The following SUCLG1 variants were observed in gnomAD, a reference collection of about 807,000 sequenced individuals.
The protein encoded by SUCLG1 is succinate-CoA ligase GDP/ADP-forming subunit alpha.
A neutral mutation model predicts 37.3 loss-of-function variants in SUCLG1; 26 were observed. That is an observed-to-expected ratio of 0.70 (90% CI 0.51 to 0.97). SUCLG1 has a LOEUF of 0.97. Ranked by LOEUF, SUCLG1 falls within the 50% of genes least tolerant of loss-of-function variation. The pLI, the probability that SUCLG1 is intolerant of heterozygous loss-of-function variation, is 0.00. For synonymous variants in SUCLG1, 163 were observed against 155.6 expected, an observed-to-expected ratio of 1.05 and a Z score of -0.36; for missense variants, 433 against 432.9, an observed-to-expected ratio of 1.00 and a Z score of 0.00.
rs369853369 is a variant in SUCLG1 at position 84,424,944 on chromosome 2, C to G, written c.1014+471G>C. 2.0e-5 allele frequency among the ~76,000 whole-genome samples: 3 copies of G among 152,300 alleles called. No individual in the cohort carries two copies. In the South Asian group the frequency reaches 6.2e-4, roughly 32 times the overall value. The stretch of plus-strand genomic sequence containing the variant: ...GCCAATCTCCCCATCCTCTTTAGAT[C>G]TCCCTCCACCCAAACTCCTTCTTCA... On this transcript the variant is annotated intron_variant, in intron 8 of 8. Coordinates refer to ENST00000393868, the MANE Select transcript of SUCLG1 (RefSeq NM_003849.4).
At chr2:84,440,162 G>A (rs1431639589) in intron 5 of SUCLG1, among the ~76,000 whole-genome samples, 2 of 152,138 alleles carry the variant, frequency 1.3e-5, no homozygotes, top group Non-Finnish European at 2.9e-5. Flanking sequence ...ATCACCTGAG[G>A]TCGGGAGTTC....
rs542892914 is a variant in SUCLG1 at position 84,440,957 on chromosome 2, T to G, written c.589+90A>C. On this transcript the variant is annotated intron_variant, in intron 5 of 8. Transcript: ENST00000393868. ...TCTACTCAAGTCAAATTAATTAAAC[T>G]TGATTTGCAAAGTCAAAAATTCTTT... is the stretch of plus-strand genomic sequence containing the variant. 103 of 1,354,498 alleles carry G rather than the reference T, an allele frequency of 7.6e-5. 1 individual carries two copies. The South Asian group carries it at 1.2e-3, about 16-fold the overall frequency. The allele number at this position is 1,354,498 out of a possible 1,614,324, so 83.9% of individuals were successfully genotyped here.
At chr2:84,436,850 C>A (rs1024081639) in intron 5 of SUCLG1, among the ~76,000 whole-genome samples, 15 of 152,190 alleles carry the variant, frequency 9.9e-5, no homozygotes, top group African/African-American at 3.6e-4. Context: ...GTCTTCACAA[C>A]CCCTATATTC....
In SUCLG1 at chr2:84,441,384, CTTCA is replaced by C; in HGVS notation, c.390_393del (p.Asn130LysfsTer37). On this transcript the variant is annotated frameshift_variant, in exon 4 of 9. Coordinates refer to ENST00000393868, the MANE Select transcript of SUCLG1 (RefSeq NM_003849.4). LOFTEE classifies it high-confidence loss of function. The stretch of plus-strand genomic sequence containing the variant: ...ACCAAGGGAATTTCTGCCTCAATAG[CTTCA>C]TTAATGGCAGCAGCAGCAAAAGGCG... 2 of 1,614,160 alleles carry C rather than the reference CTTCA, an allele frequency of 1.2e-6. No homozygotes were observed. The highest frequency in any genetic ancestry group is 1.7e-6 in the Non-Finnish European group (2 of 1,180,018).
At chr2:84,443,850 C>G (rs1000517191) in intron 2 of SUCLG1, among the ~76,000 whole-genome samples, 1 of 152,074 alleles carries the variant, frequency 6.6e-6, no homozygotes, top group African/African-American at 2.4e-5. Context: ...AACAAAAAAA[C>G]ATGTCAACTG....
At chr2:84,458,928 G>A (rs1673090013) in intron 1 of SUCLG1, among the ~76,000 whole-genome samples, 1 of 152,158 alleles carries the variant, frequency 6.6e-6, no homozygotes, top group Non-Finnish European at 1.5e-5. Flanking sequence ...TCCCGGACCC[G>A]AATCCTGGCT....
At chr2:84,424,705 T>C (rs1040865010) in intron 8 of SUCLG1, among the ~76,000 whole-genome samples, 1 of 152,060 alleles carries the variant, frequency 6.6e-6, no homozygotes, top group Non-Finnish European at 1.5e-5. Flanking sequence ...GGCAGGGGTA[T>C]ACCATCATAA....
chr2:84,453,917 G>A (rs1380275677), intron 1 of SUCLG1, among the ~76,000 whole-genome samples: 2 of 152,204 alleles, frequency 1.3e-5, no homozygotes, highest in African/African-American at 4.8e-5. Flanking sequence ...GACAGGCCTG[G>A]TCTTGAGTTT....
chr2:84,440,821 C>T (rs1672756922), intron 5 of SUCLG1, among the ~76,000 whole-genome samples: 1 of 152,162 alleles, frequency 6.6e-6, no homozygotes, highest in Non-Finnish European at 1.5e-5. Context: ...TCTTTAAACT[C>T]CCACCACCAA....
Position 84,425,495 on chromosome 2 carries a change from T to C in SUCLG1, c.934A>G (p.Lys312Glu). The C allele has an allele frequency of 3.7e-6, 6 of 1,614,238 alleles. No individual in the cohort carries two copies. The highest frequency in any genetic ancestry group is 5.1e-6 in the Non-Finnish European group (6 of 1,180,040). The part of the protein sequence containing the change: ...AIIAGGKGGA[K>E]EKISALQSAG... ...CTCTGAAGGGCAGAGATCTTCTCTT[T>C]AGCTCCACCTTTTCCTCCAGCAATA... The change falls in exon 8 of 9, where the codon AAA becomes GAA. Residue 312 changes from lysine to glutamate, a missense_variant. Coordinates refer to ENST00000393868, the MANE Select transcript of SUCLG1 (RefSeq NM_003849.4).
chr2:84,434,940 T>C (rs1320291464), intron 5 of SUCLG1, among the ~76,000 whole-genome samples: 5 of 152,158 alleles, frequency 3.3e-5, no homozygotes, highest in Admixed American at 2.6e-4. Flanking sequence ...GTACGTAACT[T>C]AGTCATTGCT....
chr2:84,444,584 C>G (rs113055132), intron 2 of SUCLG1, among the ~76,000 whole-genome samples: 1 of 152,166 alleles, frequency 6.6e-6, no homozygotes, highest in African/African-American at 2.4e-5. Context: ...GTTTCCAGCA[C>G]GCATTGCATT....
At chr2:84,425,777 T>G in intron 7 of SUCLG1, 174 bp from the exon 8 acceptor site, 1 of 690,332 alleles carries the variant, frequency 1.4e-6, no homozygotes, top group East Asian at 2.7e-5. Flanking sequence ...TGCATTCTCC[T>G]TTGAGTTAAC....
chr2:84,443,360 T>G lies in SUCLG1; in HGVS notation c.242A>C (p.Lys81Thr), dbSNP rs564792232. ...CCCTGGAGTGGTTCCTCCAACGAGTTTGGTGCCATATTCCAATGCCTGCTG... is the reference window on the plus strand; with the variant it reads ...CCCTGGAGTGGTTCCTCCAACGAGTGTGGTGCCATATTCCAATGCCTGCTG... ...HSQQALEYGT[K>T]LVGGTTPGKG... is the part of the protein sequence containing the mutation. Residue 81 changes from lysine to threonine, a missense_variant, in exon 3 of 9, where the codon AAA becomes ACA. By Grantham distance (78) the Lys-to-Thr change is moderately conservative. Coordinates refer to ENST00000393868, the MANE Select transcript of SUCLG1 (RefSeq NM_003849.4). The G allele has an allele frequency of 5.0e-6, 8 of 1,614,180 alleles. No individual in the cohort carries two copies. In the East Asian group the frequency reaches 1.8e-4, roughly 36 times the overall value.
At position 84,425,464 on chromosome 2, in the gene SUCLG1, C is replaced by T. The variant is rs1361472173; in HGVS notation, c.965G>A (p.Gly322Glu). 2 of 1,614,196 alleles carry T rather than the reference C, an allele frequency of 1.2e-6. No individual in the cohort carries two copies. The highest frequency in any genetic ancestry group is 1.7e-6 in the Non-Finnish European group (2 of 1,180,042). The change falls in exon 8 of 9, where the codon GGA (glycine) becomes GAA (glutamate). Residue 322 changes from glycine (G) to glutamate (E), a missense_variant. Physicochemically the swap from Gly to Glu is moderately conservative, Grantham distance 98. Transcript: ENST00000393868. ...KEKISALQSAGVVVSMSPAQL... is the reference protein window; with the variant it reads ...KEKISALQSAEVVVSMSPAQL... ...TGCAGGAGACATACTGACCACAACTCCTGCACTCTGAAGGGCAGAGATCTT... is the reference window on the plus strand; with the variant it reads ...TGCAGGAGACATACTGACCACAACTTCTGCACTCTGAAGGGCAGAGATCTT...
At chr2:84,426,798 G>A (rs1672541987) in intron 7 of SUCLG1, 1 of 152,180 alleles carries the variant, frequency 6.6e-6, no homozygotes, top group African/African-American at 2.4e-5. Context: ...TGAAAAGGCA[G>A]AACTTGAGCA....
chr2:84,447,317 A>AAC (rs1672865598), intron 2 of SUCLG1, among the ~76,000 whole-genome samples: 1 of 152,214 alleles, frequency 6.6e-6, no homozygotes, highest in African/African-American at 2.4e-5. Context: ...AACAAAAAAA[A>AAC]GGAGAGTGAA....
intron 5 of SUCLG1, among the ~76,000 whole-genome samples, chr2:84,437,220 G>A (rs1672701589): frequency 2.0e-5 from 3 of 152,104 alleles, no homozygotes; most frequent in Admixed American, 6.6e-5. Context: ...CCCAAGAAGA[G>A]TTTTTATAGA....
At chr2:84,435,203 C>T (rs1447368231) in intron 5 of SUCLG1, among the ~76,000 whole-genome samples, 5 of 152,156 alleles carry the variant, frequency 3.3e-5, no homozygotes, top group African/African-American at 1.2e-4. Context: ...GAGTGTTTCA[C>T]CTCCACCATC....
Sources: allele counts gnomAD v4.1 joint callset (sites outside exome capture counted in the v4.1 genomes callset), GRCh38; gene constraint gnomAD v4.1.1; transcripts MANE v1.5; gene names NCBI Gene and HGNC (gene_info 2026-07-23, HGNC 2026-07-21).